Variants in ADAMTSL3 observed in about 807,000 individuals in gnomAD.
ADAMTSL3 encodes the protein ADAMTS like 3.
Under a neutral mutation model 201.7 loss-of-function variants are expected in ADAMTSL3, and 128 were observed. The ratio of observed to expected loss-of-function variants is 0.63; its 90% CI spans 0.55 to 0.73. The LOEUF (loss-of-function observed/expected upper bound fraction) is 0.73. ADAMTSL3 is among the 30% of genes least tolerant of loss of function. ADAMTSL3 has a pLI of 0.00. For synonymous variants in ADAMTSL3, 738 were observed against 748.4 expected (o/e 0.99, Z 0.23); for missense variants, 1,990 against 2,119.6 (o/e 0.94, Z 1.20).
At chr15:83,887,309 G>C (rs1176846177) in intron 10 of ADAMTSL3, among the ~76,000 whole-genome samples, 1 of 152,118 alleles carries the variant, frequency 6.6e-6, no homozygotes, top group African/African-American at 2.4e-5. Flanking sequence ...CTTTAAGGGG[G>C]CATTTATTCA....
At chr15:83,855,077 C>A (rs1426741299) in intron 7 of ADAMTSL3, among the ~76,000 whole-genome samples, 1 of 152,012 alleles carries the variant, frequency 6.6e-6, no homozygotes, top group Non-Finnish European at 1.5e-5. Context: ...TGTTGGGTTA[C>A]ACCTTCAACA....
At chr15:83,917,367 T>G (rs1383459369) in intron 16 of ADAMTSL3, among the ~76,000 whole-genome samples, 1 of 152,220 alleles carries the variant, frequency 6.6e-6, no homozygotes, top group Non-Finnish European at 1.5e-5. Context: ...TCTTTTTTAA[T>G]TCCTAAAAGC....
intron 17 of ADAMTSL3, among the ~76,000 whole-genome samples, chr15:83,936,437 T>C (rs778831753): frequency 1.1e-4 from 16 of 151,058 alleles, no homozygotes; most frequent in Middle Eastern, 3.4e-3. Flanking sequence ...TTCTTAACAA[T>C]AGTAACAGAT....
chr15:83,674,777 A>G (rs2061378728), intron 2 of ADAMTSL3, among the ~76,000 whole-genome samples: 1 of 143,640 alleles, frequency 7.0e-6, no homozygotes. Context: ...ATATATATAT[A>G]TATATATATA....
In ADAMTSL3 at chr15:83,983,195, A is replaced by G. The variant is rs745746933; in HGVS notation, c.3567A>G (p.Ser1189=). 19 of 1,613,960 alleles carry G rather than the reference A, an allele frequency of 1.2e-5. No homozygotes were observed. Among genetic ancestry groups the G allele is most frequent in the Middle Eastern group, 1.6e-4 (1 of 6,082 alleles). Residue 1189 remains serine (S), a synonymous_variant, in exon 21 of 30, where the codon TCA becomes TCG. Coordinates refer to ENST00000286744, the MANE Select transcript of ADAMTSL3 (RefSeq NM_207517.3). ...LMRQSQPPSI[S]FNKTINSRIG... Reference sequence around the variant, plus strand: ...GGCAAAGCCAACCTCCCTCAATTTCATTTAATAAAACAATAAATTCCAGGA... The same window carrying G: ...GGCAAAGCCAACCTCCCTCAATTTCGTTTAATAAAACAATAAATTCCAGGA...
chr15:84,030,158 AGTGGAGCT>A (rs1212344710), intron 27 of ADAMTSL3, among the ~76,000 whole-genome samples: 10 of 152,186 alleles, frequency 6.6e-5, no homozygotes, highest in Non-Finnish European at 4.4e-5. Flanking sequence ...TGCATTGCCT[AGTGGAGCT>A]GTGAGAAGAG....
intron 4 of ADAMTSL3, among the ~76,000 whole-genome samples, chr15:83,795,489 G>A (rs1242581552): frequency 6.6e-6 from 1 of 151,984 alleles, no homozygotes. Context: ...GAGTGTATGC[G>A]AGTTCACACC....
chr15:83,750,201 A>T (rs1333032002), intron 3 of ADAMTSL3, among the ~76,000 whole-genome samples: 3 of 152,192 alleles, frequency 2.0e-5, no homozygotes, highest in Non-Finnish European at 4.4e-5. Context: ...TTTGTTTCTT[A>T]ATCAATTACA....
At chr15:84,018,881 A>G (rs887693562) in intron 25 of ADAMTSL3, among the ~76,000 whole-genome samples, 1 of 152,212 alleles carries the variant, frequency 6.6e-6, no homozygotes, top group Non-Finnish European at 1.5e-5. Flanking sequence ...GAAAACAAAA[A>G]CAAATTATCA....
At chr15:83,797,767 C>T (rs2141842344) in intron 4 of ADAMTSL3, among the ~76,000 whole-genome samples, 1 of 152,232 alleles carries the variant, frequency 6.6e-6, no homozygotes, top group South Asian at 2.1e-4. Flanking sequence ...AGCAATTTGT[C>T]AATATCTGGT....
intron 22 of ADAMTSL3, 82 bp from the exon 23 acceptor site, chr15:83,991,004 A>G: frequency 3.1e-6 from 5 of 1,589,226 alleles, no homozygotes; most frequent in South Asian, 1.2e-5. Flanking sequence ...AAAGGGCTCA[A>G]CAAAGCTTAC....
At chr15:83,756,607 C>A (rs559234576) in intron 3 of ADAMTSL3, among the ~76,000 whole-genome samples, 5 of 151,662 alleles carry the variant, frequency 3.3e-5, no homozygotes, top group African/African-American at 1.2e-4. Flanking sequence ...CTGCCCCCCC[C>A]CCAAATCTCA....
chr15:83,791,286 G>A (rs768227247), intron 4 of ADAMTSL3, among the ~76,000 whole-genome samples: 4 of 152,266 alleles, frequency 2.6e-5, no homozygotes, highest in South Asian at 2.1e-4. Flanking sequence ...AAGCAATCTT[G>A]ATCAAAAAGA....
intron 5 of ADAMTSL3, among the ~76,000 whole-genome samples, chr15:83,813,394 C>G (rs2063726842): frequency 6.6e-6 from 1 of 152,114 alleles, no homozygotes; most frequent in African/African-American, 2.4e-5. Context: ...AGAATTCTAC[C>G]CACCTCAGCA....
At chr15:84,015,312 G>C (rs943782397) in intron 24 of ADAMTSL3, among the ~76,000 whole-genome samples, 2 of 152,158 alleles carry the variant, frequency 1.3e-5, no homozygotes, top group Non-Finnish European at 2.9e-5. Flanking sequence ...TAGTATAAGA[G>C]TATAGAATCC....
chr15:83,846,172 T>C (rs548646996), intron 7 of ADAMTSL3, among the ~76,000 whole-genome samples: 11 of 152,322 alleles, frequency 7.2e-5, no homozygotes, highest in East Asian at 1.9e-4. Context: ...AAAATACTTA[T>C]TGGGAAAATA....
At chr15:83,697,044 G>A (rs955308520) in intron 2 of ADAMTSL3, among the ~76,000 whole-genome samples, 3 of 152,106 alleles carry the variant, frequency 2.0e-5, no homozygotes, top group Admixed American at 6.5e-5. Context: ...GAGAGAGATG[G>A]GTGTGAGAGC....
intron 6 of ADAMTSL3, among the ~76,000 whole-genome samples, chr15:83,821,766 C>A (rs909943337): frequency 6.6e-6 from 1 of 151,800 alleles, no homozygotes; most frequent in Non-Finnish European, 1.5e-5. Context: ...GGTACACCTC[C>A]CAGACGGGGT....
chr15:83,762,300 T>C (rs922942290), intron 3 of ADAMTSL3, among the ~76,000 whole-genome samples: 5 of 152,322 alleles, frequency 3.3e-5, no homozygotes, highest in Admixed American at 6.5e-5. Context: ...GTTTAGACAC[T>C]GGGCCTCATG....
Sources: gnomAD v4.1 joint callset for allele counts (sites outside exome capture counted in the v4.1 genomes callset) on GRCh38, gnomAD v4.1.1 for gene constraint, MANE v1.5 for transcripts, NCBI Gene and HGNC (gene_info 2026-07-23, HGNC 2026-07-21) for gene names.